Variants in CNTN4 observed in about 807,000 individuals in gnomAD.
CNTN4 encodes the protein contactin 4, also known as contactin-4.
Under a neutral mutation model 122.5 loss-of-function variants are expected in CNTN4, and 77 were observed. The ratio of observed to expected loss-of-function variants is 0.63; its 90% confidence interval spans 0.52 to 0.76. CNTN4 has a LOEUF of 0.76. Among genes scored for constraint, CNTN4 ranks in the 30% least tolerant of loss-of-function variants. The pLI, the probability that CNTN4 is intolerant of heterozygous loss-of-function variation, is 0.00. For synonymous variants in CNTN4, 512 were observed against 447.0 expected (o/e 1.15, Z -1.83); for missense variants, 1,256 against 1,259.1 (o/e 1.00, Z 0.04).
intron 4 of CNTN4, among the ~76,000 whole-genome samples, chr3:2,580,506 A>C (rs1359184270): frequency 6.6e-6 from 1 of 152,192 alleles, no homozygotes; most frequent in African/African-American, 2.4e-5. Flanking sequence ...CTGTACTGGA[A>C]TATGCTGCAG....
At chr3:2,708,753 ACACACACACACACACT>A (rs1255045039) in intron 4 of CNTN4, among the ~76,000 whole-genome samples, 1 of 83,062 alleles carries the variant, frequency 1.2e-5, no homozygotes, top group Non-Finnish European at 2.8e-5. Flanking sequence ...ACACACACAC[ACACACACACACACACT>A]GCCCAGAAGA....
chr3:2,339,467 T>C (rs2044097496), intron 3 of CNTN4, among the ~76,000 whole-genome samples: 1 of 152,166 alleles, frequency 6.6e-6, no homozygotes, highest in South Asian at 2.1e-4. Flanking sequence ...TTAAGGTAGG[T>C]TTTCTGTAGT....
At chr3:2,769,190 A>G (rs2090982078) in intron 6 of CNTN4, among the ~76,000 whole-genome samples, 1 of 152,182 alleles carries the variant, frequency 6.6e-6, no homozygotes, top group Non-Finnish European at 1.5e-5. Flanking sequence ...GTGGCCAGGC[A>G]CGGTGGCTCA....
chr3:2,193,723 T>C (rs1185489461), intron 2 of CNTN4, among the ~76,000 whole-genome samples: 1 of 152,242 alleles, frequency 6.6e-6, no homozygotes, highest in Non-Finnish European at 1.5e-5. Flanking sequence ...ATGCATCACA[T>C]ATGCATGACT....
chr3:2,455,586 G>A (rs868535436), intron 3 of CNTN4, among the ~76,000 whole-genome samples: 1 of 152,072 alleles, frequency 6.6e-6, no homozygotes, highest in African/African-American at 2.4e-5. Flanking sequence ...GAAGAAGGAG[G>A]ACATTTTTAC....
chr3:2,743,011 G>A (rs931283924), intron 5 of CNTN4, among the ~76,000 whole-genome samples: 1 of 152,114 alleles, frequency 6.6e-6, no homozygotes, highest in South Asian at 2.1e-4. Context: ...AAAAGCAGGC[G>A]ATAAAGTAGA....
chr3:2,237,216 G>T (rs182439762), intron 2 of CNTN4, among the ~76,000 whole-genome samples: 179 of 152,226 alleles, frequency 1.2e-3, no homozygotes, highest in African/African-American at 4.1e-3. Context: ...TGAAGATGAA[G>T]AGATGTGAAT....
chr3:2,109,718 T>C (rs931077635), intron 2 of CNTN4, among the ~76,000 whole-genome samples: 2 of 152,220 alleles, frequency 1.3e-5, no homozygotes, highest in Non-Finnish European at 2.9e-5. Context: ...CAAATTTGTA[T>C]TGTTATCCAT....
intron 7 of CNTN4, among the ~76,000 whole-genome samples, chr3:2,827,405 C>T (rs987825162): frequency 6.6e-6 from 1 of 152,120 alleles, no homozygotes; most frequent in Non-Finnish European, 1.5e-5. Context: ...CCAGACACTC[C>T]TGATTTTATT....
chr3:2,535,538 A>T (rs944190386), intron 3 of CNTN4, among the ~76,000 whole-genome samples: 4 of 152,078 alleles, frequency 2.6e-5, no homozygotes, highest in Admixed American at 2.0e-4. Context: ...GCCTCTTTAG[A>T]GACTTGCTTG....
chr3:2,427,142 T>C (rs1044506619), intron 3 of CNTN4, among the ~76,000 whole-genome samples: 4 of 152,198 alleles, frequency 2.6e-5, no homozygotes, highest in African/African-American at 9.7e-5. Context: ...CTTGCTTCTC[T>C]AGTTCTTTTA....
In CNTN4 at chr3:2,168,959, G is replaced by T. The variant is rs112906569; in HGVS notation, c.-145+68320G>T. Among the ~76,000 whole-genome samples, 748 of 152,288 alleles carry T rather than the reference G, an allele frequency of 4.9e-3. 5 individuals are homozygous for T. Among genetic ancestry groups the T allele is most frequent in the African/African-American group, 0.017 (717 of 41,564 alleles). ...CAGTTCTGCAAAATACACAGATTCAGATGGCTTCCTAGTTAAGTGCTGAAG... is the reference window on the plus strand; with the variant it reads ...CAGTTCTGCAAAATACACAGATTCATATGGCTTCCTAGTTAAGTGCTGAAG... On this transcript the variant is annotated intron_variant, in intron 2 of 24. Coordinates refer to ENST00000418658, the MANE Select transcript of CNTN4 (RefSeq NM_175607.3).
intron 3 of CNTN4, among the ~76,000 whole-genome samples, chr3:2,437,778 C>T (rs1373062111): frequency 6.6e-6 from 1 of 152,160 alleles, no homozygotes; most frequent in African/African-American, 2.4e-5. Flanking sequence ...TCGCCAATAT[C>T]TTTGAAGATT....
intron 2 of CNTN4, among the ~76,000 whole-genome samples, chr3:2,329,008 A>G (rs2043595923): frequency 6.6e-6 from 1 of 152,190 alleles, no homozygotes; most frequent in African/African-American, 2.4e-5. Flanking sequence ...AATTTTTGAT[A>G]TGAAGAAAGT....
intron 8 of CNTN4, among the ~76,000 whole-genome samples, chr3:2,869,105 A>G (rs2093756582): frequency 3.3e-5 from 5 of 152,204 alleles, no homozygotes. Flanking sequence ...TAAGGTTAAA[A>G]GAGAGTTTTA....
intron 2 of CNTN4, among the ~76,000 whole-genome samples, chr3:2,253,408 A>G (rs1165508185): frequency 3.3e-5 from 5 of 150,932 alleles, no homozygotes; most frequent in Admixed American, 3.3e-4. Flanking sequence ...AAAAAGTTGT[A>G]ACACATTGTT....
chr3:2,941,244 C>G (rs996599606), intron 13 of CNTN4, among the ~76,000 whole-genome samples: 2 of 152,180 alleles, frequency 1.3e-5, no homozygotes, highest in Admixed American at 6.5e-5. Context: ...TCCAGCACAT[C>G]TGCATCTTCC....
chr3:2,275,368 A>G (rs900829608), intron 2 of CNTN4, among the ~76,000 whole-genome samples: 1 of 152,192 alleles, frequency 6.6e-6, no homozygotes, highest in African/African-American at 2.4e-5. Context: ...TCCATTAGAC[A>G]TCCTCATAAC....
intron 4 of CNTN4, among the ~76,000 whole-genome samples, chr3:2,635,337 T>C (rs1009684366): frequency 2.0e-5 from 3 of 152,232 alleles, no homozygotes; most frequent in African/African-American, 7.2e-5. Flanking sequence ...ATATTTTCTC[T>C]TCATTTTTCT....
Sources: gnomAD v4.1 joint callset for allele counts (sites outside exome capture counted in the v4.1 genomes callset) on GRCh38, gnomAD v4.1.1 for gene constraint, MANE v1.5 for transcripts, NCBI Gene and HGNC (gene_info 2026-07-23, HGNC 2026-07-21) for gene names.